The following TTN variants were observed in gnomAD, a reference collection of about 807,000 sequenced individuals.
TTN encodes titin, also known as connectin.
Under a neutral mutation model 3,223.0 loss-of-function variants are expected in TTN, and 1,525 were observed. The ratio of observed to expected loss-of-function variants is 0.47; its 90% CI spans 0.45 to 0.49. The LOEUF is 0.49. TTN is among the 20% of genes least tolerant of loss of function. The pLI, the probability that TTN is intolerant of heterozygous loss-of-function variation, is 0.00. For synonymous variants in TTN, 14,094 were observed against 15,161.0 expected (o/e 0.93, Z 5.17); for missense variants, 40,786 against 43,424.0 (o/e 0.94, Z 5.40).
At position 178,612,127 on chromosome 2, in the gene TTN, C is replaced by T; in HGVS notation, c.50284G>A (p.Asp16762Asn). 6.2e-7 allele frequency: 1 copy of T among 1,611,872 alleles called. No homozygotes were observed. The highest frequency in any genetic ancestry group is 8.5e-7 in the Non-Finnish European group (1 of 1,178,922). ...AGGTCAACATGTCGTTTTGTCACAT[C>T]AACCACTGCCAGGGCGTAGGGTGGT... is the stretch of plus-strand genomic sequence containing the variant. ...PGPPYALAVV[D>N]VTKRHVDLKW... is the part of the protein sequence containing the mutation. Residue 16762 changes from aspartate (D) to asparagine (N), a missense_variant, in exon 267 of 363, where the codon GAT becomes AAT. Coordinates refer to ENST00000589042, the MANE Select transcript of TTN (RefSeq NM_001267550.2).
intron 127 of TTN, among the ~76,000 whole-genome samples, chr2:178,687,714 G>A (rs988205450): frequency 1.3e-5 from 2 of 152,188 alleles, no homozygotes; most frequent in Non-Finnish European, 2.9e-5. Context: ...TCTGTGGATT[G>A]TGGTACAAGC....
At position 178,728,161 on chromosome 2, in the gene TTN, C is replaced by A. The variant is rs753901455; in HGVS notation, c.19663G>T (p.Val6555Leu). 2.1e-5 allele frequency: 34 copies of A among 1,609,568 alleles called. No individual in the cohort carries two copies. Among genetic ancestry groups the A allele is most frequent in the Non-Finnish European group, 2.9e-5 (34 of 1,177,398 alleles). The change falls in exon 67 of 363, where the codon GTG (valine) becomes TTG (leucine). Residue 6555 changes from valine to leucine, a missense_variant. Val to Leu is a conservative substitution (Grantham distance 32, BLOSUM62 1). Coordinates refer to ENST00000589042, the MANE Select transcript of TTN (RefSeq NM_001267550.2). ...GCATCATCTCCTGCTACATTTGACA[C>A]TTTGCATGTGTAATTTGCAGTATCT... ...LEDTANYTCKVSNVAGDDACS... is the reference protein window; with the variant it reads ...LEDTANYTCKLSNVAGDDACS...
intron 16 of TTN, 61 bp from the exon 17 acceptor site, chr2:178,783,846 CTT>C (rs1432266054): frequency 2.2e-6 from 3 of 1,363,726 alleles, no homozygotes; most frequent in Non-Finnish European, 3.1e-6. Context: ...CTCATAAACT[CTT>C]AGCTCATGCA....
chr2:178,549,877 A>G lies in TTN; in HGVS notation c.91853-8T>C, dbSNP rs1553535793. The G allele has an allele frequency of 6.5e-7, 1 of 1,544,462 alleles. No individual in the cohort carries two copies. The highest frequency in any genetic ancestry group is 1.3e-5 in the South Asian group (1 of 77,812). On this transcript the variant is annotated splice_region_variant and splice_polypyrimidine_tract_variant and intron_variant, in intron 337 of 362. Coordinates refer to ENST00000589042, the MANE Select transcript of TTN (RefSeq NM_001267550.2). ...CTACTTTTCCTGGTGTATCTATAAG[A>G]AAAAGTTTCTAGAGTTAGTTTCTTT... is the stretch of plus-strand genomic sequence containing the variant.
chr2:178,652,057 T>G, intron 204 of TTN, 39 bp downstream of exon 204: 2 of 1,612,078 alleles, frequency 1.2e-6, no homozygotes. Context: ...AAGGAAAGAT[T>G]TTTTTAAAAA....
Position 178,527,131 on chromosome 2 carries a change from G to T in TTN, c.107857C>A (p.Leu35953Met). The change falls in exon 363 of 363, where the codon CTG (leucine) becomes ATG (methionine). Residue 35953 changes from leucine (L) to methionine (M), a missense_variant. Physicochemically the swap from Leu to Met is conservative, Grantham distance 15. Transcript: ENST00000589042. ...GRFHIENTDD[L>M]TTLIIMDVQK... The stretch of plus-strand genomic sequence containing the variant: ...ACGTCCATGATGATCAGGGTTGTCA[G>T]GTCATCTGTGTTTTCAATGTGGAAC... The T allele has an allele frequency of 6.2e-7, 1 of 1,613,920 alleles. No individual in the cohort carries two copies. Among genetic ancestry groups the T allele is most frequent in the South Asian group, 1.1e-5 (1 of 91,080 alleles).
intron 20 of TTN, 61 bp downstream of exon 20, chr2:178,782,151 C>A: frequency 6.3e-7 from 1 of 1,593,824 alleles, no homozygotes; most frequent in East Asian, 2.2e-5. Flanking sequence ...AAATTCTACT[C>A]TAGGCTTCAT....
At chr2:178,749,458 A>G in intron 47 of TTN, 1 of 1,613,026 alleles carries the variant, frequency 6.2e-7, no homozygotes, top group South Asian at 1.1e-5. Flanking sequence ...TTTGCTCAAT[A>G]GTCTCAAGGC....
chr2:178,706,367 C>A (rs2075869936), intron 102 of TTN, 87 bp downstream of exon 102: 2 of 1,410,898 alleles, frequency 1.4e-6, no homozygotes, highest in Non-Finnish European at 1.9e-6. Context: ...TTCTTTAATA[C>A]TTTCCACTGG....
In TTN at chr2:178,731,210, A is replaced by G. The variant is rs1045691760; in HGVS notation, c.17462-7T>C. 4 of 1,612,208 alleles carry G rather than the reference A, an allele frequency of 2.5e-6. No individual in the cohort carries two copies. In the African/African-American group the frequency reaches 5.3e-5, roughly 22 times the overall value. On this transcript the variant is annotated splice_polypyrimidine_tract_variant and splice_region_variant and intron_variant, in intron 59 of 362. Transcript: ENST00000589042. The stretch of plus-strand genomic sequence containing the variant: ...TCGGTGATTGTTGCAGGTTCTGTAG[A>G]AAACAAAGGGATAGATGTGGGTTGT...
rs1704037271 is a variant in TTN, at chr2:178,562,438, A to G, written c.83694T>C (p.Tyr27898=). 5.6e-6 allele frequency: 9 copies of G among 1,613,346 alleles called. No homozygotes were observed. Among genetic ancestry groups the G allele is most frequent in the Non-Finnish European group, 7.6e-6 (9 of 1,179,618 alleles). Residue 27898 remains tyrosine (Y), a synonymous_variant, in exon 326 of 363, where the codon TAT becomes TAC. Coordinates refer to ENST00000589042, the MANE Select transcript of TTN (RefSeq NM_001267550.2). ...TCCCTTTAGTCTGCATTTCAACCAC[A>G]TAACCAGTAATTTTGCTGCCACCAT... ...ESDGGSKITG[Y]VVEMQTKGSE... is the part of the protein sequence containing the mutation.
In TTN at chr2:178,634,357, C is replaced by G; in HGVS notation, c.42415+9G>C. 11 of 1,597,264 alleles carry G rather than the reference C, an allele frequency of 6.9e-6. No individual in the cohort carries two copies. Among genetic ancestry groups the G allele is most frequent in the Non-Finnish European group, 8.5e-6 (10 of 1,176,006 alleles). ...TATGGGATGTCACAGATCTCATTAG[C>G]TCGCTTACCTGTGACAAACAACCGA... is the stretch of plus-strand genomic sequence containing the variant. On this transcript the variant is annotated intron_variant, in intron 230 of 362. Transcript: ENST00000589042. The surrounding 1 kb of genome is among the most constrained non-coding windows in gnomAD (Gnocchi z 4.6).
At position 178,612,887 on chromosome 2, in the gene TTN, G is replaced by A. The variant is rs750840061; in HGVS notation, c.49834C>T (p.Leu16612Phe). ...TCCTGTCCTTCCATGAGCCCTGGGAGCAAGTGCTGAGTGGTGGGAACCCCT... is the reference window on the plus strand; with the variant it reads ...TCCTGTCCTTCCATGAGCCCTGGGAACAAGTGCTGAGTGGTGGGAACCCCT... ...AEGVPTTQHL[L>F]PGLMEGQEYS... Residue 16612 changes from leucine to phenylalanine, a missense_variant, in exon 265 of 363, where the codon CTC becomes TTC. Transcript: ENST00000589042. The A allele has an allele frequency of 1.2e-6, 2 of 1,612,448 alleles. No individual in the cohort carries two copies. Among genetic ancestry groups the A allele is most frequent in the African/African-American group, 1.3e-5 (1 of 74,800 alleles).
chr2:178,573,057 T>C lies in TTN; in HGVS notation c.73075A>G (p.Met24359Val), dbSNP rs1469212493. ...YDGGSEITGY[M>V]VEIALPEEDE... ...TCCTCTGGCAGGGCAATCTCAACCA[T>C]ATACCCAGTGATTTCTGAACCACCA... The change falls in exon 326 of 363, where the codon ATG becomes GTG. Residue 24359 changes from methionine to valine, a missense_variant. By Grantham distance (21) the Met-to-Val change is conservative (BLOSUM62 1). Coordinates refer to ENST00000589042, the MANE Select transcript of TTN (RefSeq NM_001267550.2). 6.2e-7 allele frequency: 1 copy of C among 1,613,128 alleles called. No homozygotes were observed. Among genetic ancestry groups the C allele is most frequent in the East Asian group, 2.2e-5 (1 of 44,674 alleles).
rs749639627 is a variant in TTN at position 178,577,597 on chromosome 2, C to G, written c.68824+5G>C. On this transcript the variant is annotated splice_donor_5th_base_variant and intron_variant, in intron 323 of 362. Coordinates refer to ENST00000589042, the MANE Select transcript of TTN (RefSeq NM_001267550.2). ...AAAAGTACATAAAAAGTAAAATGGA[C>G]CTACCGTATTCATCCTTGCAAATAA... 6.3e-6 allele frequency: 10 copies of G among 1,580,598 alleles called. No individual in the cohort carries two copies. Among genetic ancestry groups the G allele is most frequent in the Middle Eastern group, 1.7e-4 (1 of 5,912 alleles).
chr2:178,530,088 A>G lies in TTN; in HGVS notation c.106403T>C (p.Leu35468Pro). ...GAAGAACCCTCCCTTGTCTTCAGAG[A>G]GTTTATATTTACCTCCTTGTGTAAT... ...KAITQGGKYK[L>P]SEDKGGFFLE... Residue 35468 changes from leucine to proline, a missense_variant, in exon 359 of 363, where the codon CTC becomes CCC. Coordinates refer to ENST00000589042, the MANE Select transcript of TTN (RefSeq NM_001267550.2). 2 of 1,606,928 alleles carry G rather than the reference A, an allele frequency of 1.2e-6. No individual in the cohort carries two copies. Among genetic ancestry groups the G allele is most frequent in the Non-Finnish European group, 1.7e-6 (2 of 1,178,178 alleles).
intron 294 of TTN, among the ~76,000 whole-genome samples, chr2:178,597,010 G>A (rs927408351): frequency 2.6e-5 from 4 of 152,070 alleles, no homozygotes; most frequent in South Asian, 4.1e-4. Flanking sequence ...ATAATTTAGC[G>A]ATAGGGGTAG....
In TTN at chr2:178,634,496, A is replaced by C. The variant is rs772643580; in HGVS notation, c.42285T>G (p.Ser14095=). Residue 14095 remains serine (S), a synonymous_variant, in exon 230 of 363, where the codon TCT becomes TCG. Coordinates refer to ENST00000589042, the MANE Select transcript of TTN (RefSeq NM_001267550.2). The surrounding 1 kb of genome is among the most constrained non-coding windows in gnomAD (Gnocchi z 4.6). The part of the protein sequence containing the change: ...WSKGPDIIKS[S]DKFDIIADGK... ...CATCAGCGATGATATCAAATTTGTC[A>C]GATGACTTAATTATATCAGGTCCTT... 5.6e-6 allele frequency: 9 copies of C among 1,613,196 alleles called. No individual in the cohort carries two copies. In the East Asian group the frequency reaches 2.0e-4, roughly 36 times the overall value.
chr2:178,777,372 A>G, intron 26 of TTN, 48 bp downstream of exon 26: 1 of 1,612,600 alleles, frequency 6.2e-7, no homozygotes, highest in Admixed American at 1.7e-5. Flanking sequence ...CCTGTTTATA[A>G]CCCAAGTGAT....
Sources: gnomAD v4.1 joint callset for allele counts (sites outside exome capture counted in the v4.1 genomes callset) on GRCh38, gnomAD v4.1.1 for gene constraint, Gnocchi (gnomAD v3.1) non-coding constraint, MANE v1.5 for transcripts, NCBI Gene and HGNC (gene_info 2026-07-23, HGNC 2026-07-21) for gene names.